The following TBC1D12 variants were observed in gnomAD, a reference collection of about 807,000 sequenced individuals.
The protein encoded by TBC1D12 is TBC1 domain family member 12.
Under a neutral mutation model 86.7 loss-of-function variants are expected in TBC1D12, and 56 were observed. That is an observed-to-expected ratio of 0.65 (90% CI 0.52 to 0.81). The LOEUF is 0.81. Ranked by LOEUF, TBC1D12 falls within the 30% of genes least tolerant of loss-of-function variation. The pLI, the probability that TBC1D12 is intolerant of heterozygous loss-of-function variation, is 0.00. For missense variants in TBC1D12, 1,023 were observed against 1,038.8 expected, an observed-to-expected ratio of 0.98 and a Z score of 0.21; for synonymous variants, 421 against 411.7, an observed-to-expected ratio of 1.02 and a Z score of -0.27.
chr10:94,506,544 A>G (rs2134199165), intron 6 of TBC1D12, among the ~76,000 whole-genome samples: 1 of 152,318 alleles, frequency 6.6e-6, no homozygotes. Context: ...TAGTTACAAA[A>G]TAAAGACCAA....
At chr10:94,527,728 T>C (rs1328146885) in intron 11 of TBC1D12, among the ~76,000 whole-genome samples, 1 of 152,186 alleles carries the variant, frequency 6.6e-6, no homozygotes, top group African/African-American at 2.4e-5. Flanking sequence ...CCATCTTCAG[T>C]TGACTTTTGT....
intron 2 of TBC1D12, among the ~76,000 whole-genome samples, chr10:94,457,378 A>G (rs1402085370): frequency 2.0e-5 from 3 of 152,036 alleles, no homozygotes; most frequent in East Asian, 1.9e-4. Context: ...TTCTTTTGTA[A>G]TACACTTTGG....
chr10:94,530,174 T>C (rs1439578552), intron 11 of TBC1D12, among the ~76,000 whole-genome samples: 1 of 152,206 alleles, frequency 6.6e-6, no homozygotes, highest in Non-Finnish European at 1.5e-5. Context: ...TAAACAATTG[T>C]ATACTTTCTT....
intron 2 of TBC1D12, among the ~76,000 whole-genome samples, chr10:94,464,150 G>T (rs116357575): frequency 6.6e-6 from 1 of 151,826 alleles, no homozygotes; most frequent in South Asian, 2.1e-4. Flanking sequence ...ATTTAAAGTG[G>T]GTTTCTTATA....
At chr10:94,423,516 T>C (rs930123148) in intron 1 of TBC1D12, among the ~76,000 whole-genome samples, 3 of 151,940 alleles carry the variant, frequency 2.0e-5, no homozygotes, top group Non-Finnish European at 4.4e-5. Flanking sequence ...CCCGGCTAAT[T>C]TTTTTACTTT....
At chr10:94,430,114 C>T (rs2055195888) in intron 1 of TBC1D12, among the ~76,000 whole-genome samples, 2 of 152,178 alleles carry the variant, frequency 1.3e-5, no homozygotes, top group Non-Finnish European at 2.9e-5. Flanking sequence ...TGGCCTCGAA[C>T]TCCAGGGCTC....
chr10:94,419,403 G>A (rs189555887), intron 1 of TBC1D12, among the ~76,000 whole-genome samples: 29 of 152,206 alleles, frequency 1.9e-4, no homozygotes, highest in African/African-American at 6.5e-4. Context: ...GGCCGGGTGC[G>A]GTGGCTTACG....
At chr10:94,457,222 A>G (rs2055640968) in intron 2 of TBC1D12, among the ~76,000 whole-genome samples, 1 of 152,126 alleles carries the variant, frequency 6.6e-6, no homozygotes, top group Admixed American at 6.5e-5. Flanking sequence ...CCCCACATGC[A>G]TTAGGTATTT....
At chr10:94,423,736 TTC>T (rs1340888105) in intron 1 of TBC1D12, among the ~76,000 whole-genome samples, 2 of 152,146 alleles carry the variant, frequency 1.3e-5, no homozygotes, top group Non-Finnish European at 2.9e-5. Flanking sequence ...GTATGAATTT[TTC>T]TCTGTTTTAT....
intron 1 of TBC1D12, among the ~76,000 whole-genome samples, chr10:94,404,687 G>A (rs927693150): frequency 5.9e-5 from 9 of 151,554 alleles, no homozygotes; most frequent in East Asian, 1.9e-4. Context: ...TTAAATTATG[G>A]TGCTGGACTT....
At chr10:94,490,849 T>G (rs960358297) in intron 3 of TBC1D12, among the ~76,000 whole-genome samples, 1 of 152,176 alleles carries the variant, frequency 6.6e-6, no homozygotes, top group African/African-American at 2.4e-5. Flanking sequence ...GTGTGAACTT[T>G]AAGAATGTCC....
intron 5 of TBC1D12, 44 bp from the exon 6 acceptor site, chr10:94,500,177 T>C: frequency 1.3e-6 from 2 of 1,557,194 alleles, no homozygotes; most frequent in East Asian, 4.5e-5. Context: ...GTATTTTTGG[T>C]ATAAAAAGTA....
intron 2 of TBC1D12, among the ~76,000 whole-genome samples, chr10:94,453,409 G>GT (rs1468464659): frequency 6.6e-6 from 1 of 152,166 alleles, no homozygotes; most frequent in African/African-American, 2.4e-5. Context: ...GTGTGCATAT[G>GT]TGAGTGTGTG....
intron 7 of TBC1D12, chr10:94,508,463 C>G (rs948184093): frequency 4.0e-5 from 6 of 151,756 alleles, no homozygotes; most frequent in African/African-American, 1.2e-4. Context: ...CTCTCTCTTT[C>G]TCTGCTTCAG....
intron 9 of TBC1D12, among the ~76,000 whole-genome samples, chr10:94,515,489 A>G (rs2134213697): frequency 6.6e-6 from 1 of 152,062 alleles, no homozygotes; most frequent in East Asian, 2.0e-4. Flanking sequence ...CTGGGATTAC[A>G]GGCGCCCGCC....
intron 2 of TBC1D12, among the ~76,000 whole-genome samples, chr10:94,467,404 T>C (rs1295998988): frequency 6.6e-6 from 1 of 152,048 alleles, no homozygotes; most frequent in African/African-American, 2.4e-5. Context: ...GGCTAATTTT[T>C]GTATTTTTAG....
intron 2 of TBC1D12, among the ~76,000 whole-genome samples, chr10:94,469,742 G>A (rs893316928): frequency 6.6e-6 from 1 of 152,084 alleles, no homozygotes; most frequent in African/African-American, 2.4e-5. Flanking sequence ...GAGCCACTGT[G>A]CAGGACCTGG....
intron 1 of TBC1D12, among the ~76,000 whole-genome samples, chr10:94,421,301 T>C (rs527620284): frequency 5.3e-5 from 8 of 152,358 alleles, no homozygotes; most frequent in Middle Eastern, 6.8e-3. Context: ...TGTGCATGGC[T>C]AATTTCACTT....
At chr10:94,414,387 G>A (rs1361687401) in intron 1 of TBC1D12, among the ~76,000 whole-genome samples, 1 of 152,190 alleles carries the variant, frequency 6.6e-6, no homozygotes, top group Non-Finnish European at 1.5e-5. Flanking sequence ...ATGTTAGGTA[G>A]AAGTTAGCCA....
Sources: allele counts gnomAD v4.1 joint callset (sites outside exome capture counted in the v4.1 genomes callset), GRCh38; gene constraint gnomAD v4.1.1; transcripts MANE v1.5; gene names NCBI Gene and HGNC (gene_info 2026-07-23, HGNC 2026-07-21).